Variants in VPS13B observed in about 807,000 individuals in gnomAD.
VPS13B encodes intermembrane lipid transfer protein VPS13B.
Under a neutral mutation model 426.4 loss-of-function variants are expected in VPS13B, and 285 were observed. The ratio of observed to expected loss-of-function variants is 0.67; its 90% CI spans 0.61 to 0.74. The LOEUF (loss-of-function observed/expected upper bound fraction) is 0.74, where lower values mean the gene tolerates loss of function less well. Ranked by LOEUF, VPS13B falls within the 30% of genes least tolerant of loss-of-function variation. VPS13B has a pLI of 0.00. For synonymous variants in VPS13B, 1,676 were observed against 1,676.4 expected (o/e 1.00, Z 0.01); for missense variants, 4,537 against 4,782.6 (o/e 0.95, Z 1.51).
chr8:99,866,931 G>A (rs533021237), intron 58 of VPS13B, among the ~76,000 whole-genome samples: 12 of 152,336 alleles, frequency 7.9e-5, no homozygotes, highest in Non-Finnish European at 1.6e-4. Context: ...GGCCTGCCGG[G>A]AGCAGCTTCC....
At chr8:99,273,718 AGCTTGC>A (rs1818734218) in intron 17 of VPS13B, among the ~76,000 whole-genome samples, 1 of 132 alleles carries the variant, frequency 7.6e-3, no homozygotes, top group African/African-American at 0.042. Context: ...CGGGAGGCAG[AGCTTGC>A]AGAGCTTGCA....
intron 43 of VPS13B, among the ~76,000 whole-genome samples, chr8:99,792,732 C>G (rs1244593488): frequency 6.6e-6 from 1 of 152,082 alleles, no homozygotes; most frequent in Non-Finnish European, 1.5e-5. Context: ...TAGAGTCTTA[C>G]CAAGTCAAGC....
At chr8:99,592,022 A>G (rs896210737) in intron 33 of VPS13B, among the ~76,000 whole-genome samples, 1 of 151,904 alleles carries the variant, frequency 6.6e-6, no homozygotes, top group African/African-American at 2.4e-5. Context: ...ACGTAGTCCC[A>G]TATTTCTTGG....
intron 3 of VPS13B, among the ~76,000 whole-genome samples, chr8:99,055,426 A>G (rs1261091043): frequency 6.6e-6 from 1 of 152,164 alleles, no homozygotes; most frequent in Non-Finnish European, 1.5e-5. Context: ...TTGGTTCAAA[A>G]GGCCATTGGA....
At chr8:99,640,271 ATTTTTG>A (rs993147481) in intron 33 of VPS13B, among the ~76,000 whole-genome samples, 11 of 151,360 alleles carry the variant, frequency 7.3e-5, no homozygotes, top group Middle Eastern at 3.4e-3. Context: ...TTTTAAAAAT[ATTTTTG>A]TTTTTGTTTT....
At chr8:99,375,740 A>G (rs1813448588) in intron 19 of VPS13B, among the ~76,000 whole-genome samples, 1 of 152,234 alleles carries the variant, frequency 6.6e-6, no homozygotes, top group Admixed American at 6.5e-5. Context: ...AAATTAGAGT[A>G]GCACATAATT....
intron 1 of VPS13B, 71 bp from the exon 2 acceptor site, chr8:99,013,689 G>T (rs1841440855): frequency 6.8e-7 from 1 of 1,461,418 alleles, no homozygotes; most frequent in Non-Finnish European, 9.5e-7. Flanking sequence ...TACTGCTTTC[G>T]GCCTGAGATA....
At chr8:99,051,421 T>G (rs1219457806) in intron 3 of VPS13B, among the ~76,000 whole-genome samples, 7 of 151,656 alleles carry the variant, frequency 4.6e-5, no homozygotes, top group Admixed American at 1.3e-4. Context: ...CATGCTGTTT[T>G]GGTTACTGTA....
intron 39 of VPS13B, among the ~76,000 whole-genome samples, chr8:99,723,038 T>C (rs186151256): frequency 1.0e-3 from 152 of 152,348 alleles, no homozygotes; most frequent in African/African-American, 3.5e-3. Flanking sequence ...AGTGGCATAT[T>C]TTCTATCTTC....
chr8:99,665,432 T>A (rs1434224515), intron 35 of VPS13B, among the ~76,000 whole-genome samples: 1 of 152,226 alleles, frequency 6.6e-6, no homozygotes, highest in African/African-American at 2.4e-5. Context: ...GGTTTTCTTC[T>A]AGGGTTTTTA....
At position 99,222,918 on chromosome 8, in the gene VPS13B, C is replaced by T. The variant is rs188671508; in HGVS notation, c.2515+29861C>T. 2.0e-5 allele frequency among the ~76,000 whole-genome samples: 3 copies of T among 152,286 alleles called. No individual in the cohort carries two copies. The East Asian group carries it at 5.8e-4, about 29-fold the overall frequency. On this transcript the variant is annotated intron_variant, in intron 17 of 61. Transcript: ENST00000357162. The stretch of plus-strand genomic sequence containing the variant: ...GTGGCATGATCTCGGCTTACAGCAA[C>T]CTCCGCCTCCTGGGTTCAAGTGATT...
intron 19 of VPS13B, among the ~76,000 whole-genome samples, chr8:99,319,882 T>C (rs1809880424): frequency 1.3e-5 from 2 of 152,198 alleles, no homozygotes; most frequent in Non-Finnish European, 2.9e-5. Context: ...ATATAACGTA[T>C]TTTAGGTACC....
chr8:99,556,580 G>A lies in VPS13B; in HGVS notation c.4876G>A (p.Val1626Ile), dbSNP rs138577821. The change falls in exon 31 of 62, where the codon GTC (valine) becomes ATC (isoleucine). Residue 1626 changes from valine to isoleucine, a missense_variant. Val to Ile is a conservative substitution (Grantham distance 29). Around this residue, in one of 2 missense-constraint regions of VPS13B, gnomAD observed 4,311 missense variants for 4,474.3 expected, o/e 0.96. Transcript: ENST00000357162. ...TCAACTAAAACCAGAGAAGGAAAGT[G>A]TCTCAGGAGGGGTGGTAACAGAGAC... ...WHQLKPEKESVSGGVVTETER... is the reference protein window; with the variant it reads ...WHQLKPEKESISGGVVTETER... 173 of 1,613,048 alleles carry A rather than the reference G, an allele frequency of 1.1e-4. No individual in the cohort carries two copies. Among genetic ancestry groups the A allele is most frequent in the Non-Finnish European group, 1.4e-4 (164 of 1,179,448 alleles).
intron 8 of VPS13B, among the ~76,000 whole-genome samples, chr8:99,132,345 A>T (rs977168846): frequency 6.6e-6 from 1 of 152,184 alleles, no homozygotes; most frequent in African/African-American, 2.4e-5. Context: ...ATCTTCAGAA[A>T]TCACTTTCTT....
chr8:99,065,570 A>C (rs776965320), intron 3 of VPS13B, among the ~76,000 whole-genome samples: 1 of 152,212 alleles, frequency 6.6e-6, no homozygotes, highest in Non-Finnish European at 1.5e-5. Flanking sequence ...CAAAAACTGG[A>C]AGCATTCCCT....
chr8:99,691,008 G>A (rs1831629756), intron 35 of VPS13B, among the ~76,000 whole-genome samples: 2 of 152,158 alleles, frequency 1.3e-5, no homozygotes, highest in South Asian at 2.1e-4. Context: ...ATATGCTTAT[G>A]TTGTAATACT....
intron 39 of VPS13B, among the ~76,000 whole-genome samples, chr8:99,742,297 G>C (rs1177392632): frequency 2.0e-5 from 3 of 152,192 alleles, no homozygotes; most frequent in Non-Finnish European, 2.9e-5. Flanking sequence ...TCTCTGAATA[G>C]ACCAATAACA....
rs184451549 is a variant in VPS13B, at chr8:99,863,873, T to A, written c.11215+1927T>A. On this transcript the variant is annotated intron_variant, in intron 58 of 61. Transcript: ENST00000357162. ...ATTAATTCTTGGGGTAACATAAGCCTCCTCTGTAGATGCTGGCTGCACCTG... is the reference window on the plus strand; with the variant it reads ...ATTAATTCTTGGGGTAACATAAGCCACCTCTGTAGATGCTGGCTGCACCTG... Among the ~76,000 whole-genome samples the A allele has an allele frequency of 1.9e-3, 289 of 152,262 alleles. 5 individuals are homozygous for A. The East Asian group carries it at 0.029, about 15-fold the overall frequency.
intron 35 of VPS13B, among the ~76,000 whole-genome samples, chr8:99,670,028 T>C (rs1830643342): frequency 6.6e-6 from 1 of 152,022 alleles, no homozygotes; most frequent in Non-Finnish European, 1.5e-5. Flanking sequence ...TTCAAATAGG[T>C]TTGTTTATAT....
Sources: allele counts gnomAD v4.1 joint callset (sites outside exome capture counted in the v4.1 genomes callset), GRCh38; gene constraint gnomAD v4.1.1; regional missense constraint gnomAD v4.1.1; transcripts MANE v1.5; gene names NCBI Gene and HGNC (gene_info 2026-07-23, HGNC 2026-07-21).